Variants in DYM observed in about 807,000 individuals in gnomAD.
DYM encodes dyggve-Melchior-Clausen syndrome protein.
Under a neutral mutation model 93.1 loss-of-function variants are expected in DYM, and 78 were observed. The ratio of observed to expected loss-of-function variants is 0.84; its 90% confidence interval spans 0.70 to 1.01. The LOEUF (loss-of-function observed/expected upper bound fraction) is 1.01, where lower values mean the gene tolerates loss of function less well. DYM is among the 50% of genes least tolerant of loss of function. The pLI is 0.00. For missense variants in DYM, 789 were observed against 845.0 expected, an observed-to-expected ratio of 0.93 and a Z score of 0.82; for synonymous variants, 321 against 319.7, an observed-to-expected ratio of 1.00 and a Z score of -0.04.
intron 14 of DYM, among the ~76,000 whole-genome samples, chr18:49,184,221 A>AAAAAAAC (rs1295599449): frequency 7.5e-6 from 1 of 133,708 alleles, no homozygotes; most frequent in Admixed American, 7.7e-5. Flanking sequence ...TGGGAAAAAC[A>AAAAAAAC]AAAAAACAAA....
In DYM at chr18:49,391,625, T is replaced by C. The variant is rs1190209689; in HGVS notation, c.161A>G (p.Glu54Gly). Residue 54 changes from glutamate (E) to glycine (G), a missense_variant, in exon 3 of 18, where the codon GAG (glutamate) becomes GGG (glycine). Physicochemically the swap from Glu to Gly is moderately conservative, Grantham distance 98. Transcript: ENST00000675505. ...CCTGCAGACTGAAATGGTTGCTTCC[T>C]CCAAGAGTTTCAACTCACTACTGGA... ...PTSSSELKLL[E>G]EATISVCRSL... 6.2e-7 allele frequency: 1 copy of C among 1,613,360 alleles called. No homozygotes were observed. The highest frequency in any genetic ancestry group is 1.3e-5 in the African/African-American group (1 of 74,898).
chr18:49,068,862 G>A (rs2076672951), intron 17 of DYM, among the ~76,000 whole-genome samples: 1 of 152,050 alleles, frequency 6.6e-6, no homozygotes, highest in Non-Finnish European at 1.5e-5. Context: ...TCGGAATCAG[G>A]GTCAATTCTA....
intron 17 of DYM, among the ~76,000 whole-genome samples, chr18:49,086,637 C>T (rs2078555551): frequency 6.6e-6 from 1 of 152,056 alleles, no homozygotes; most frequent in Non-Finnish European, 1.5e-5. Context: ...GGAGGTGAGG[C>T]TTTGGGGAAA....
At chr18:49,209,755 G>C (rs2092693988) in intron 13 of DYM, 40 bp from the exon 14 acceptor site, 2 of 1,157,058 alleles carry the variant, frequency 1.7e-6, no homozygotes, top group Non-Finnish European at 2.2e-6. Context: ...AGAAAGAGAG[G>C]AGTTTTCCTT....
chr18:49,071,414 C>A (rs1001749891), intron 17 of DYM, among the ~76,000 whole-genome samples: 6 of 152,234 alleles, frequency 3.9e-5, no homozygotes, highest in Admixed American at 1.3e-4. Flanking sequence ...TTCTGTGATA[C>A]AATTGAAACC....
intron 14 of DYM, among the ~76,000 whole-genome samples, chr18:49,186,919 TC>T (rs1172288534): frequency 2.3e-5 from 3 of 130,404 alleles, no homozygotes; most frequent in Admixed American, 9.1e-5. Context: ...TACACAATCT[TC>T]TTTTTTTTTT....
At chr18:49,250,165 T>G (rs1248518790) in intron 13 of DYM, among the ~76,000 whole-genome samples, 1 of 152,260 alleles carries the variant, frequency 6.6e-6, no homozygotes, top group Admixed American at 6.5e-5. Context: ...CCAGCCCATC[T>G]TCTAAGAATC....
intron 11 of DYM, among the ~76,000 whole-genome samples, chr18:49,262,465 G>C (rs556762136): frequency 6.6e-6 from 1 of 152,214 alleles, no homozygotes; most frequent in African/African-American, 2.4e-5. Context: ...CTCAGTAACT[G>C]TGGTGGTCAG....
At chr18:49,147,574 CA>C (rs1197022640) in intron 15 of DYM, among the ~76,000 whole-genome samples, 6 of 152,100 alleles carry the variant, frequency 3.9e-5, no homozygotes, top group South Asian at 2.1e-4. Context: ...TTTATGCAGC[CA>C]AAAGACACAT....
chr18:49,216,209 G>A lies in DYM; in HGVS notation c.1461-6494C>T, dbSNP rs143325931. ...CAGCGAGGCTGGGGGAGGGGCGCCC[G>A]CCATTGCCCAGGCTTTCTTAGGTAA... On this transcript the variant is annotated intron_variant, in intron 13 of 17. Coordinates refer to ENST00000675505, the MANE Select transcript of DYM (RefSeq NM_001353214.3). 3.8e-3 allele frequency among the ~76,000 whole-genome samples: 572 copies of A among 152,308 alleles called. 1 individual carries two copies. The highest frequency in any genetic ancestry group is 4.6e-3 in the South Asian group (22 of 4,814).
At chr18:49,080,996 C>CAG (rs902161155) in intron 17 of DYM, among the ~76,000 whole-genome samples, 1 of 150,772 alleles carries the variant, frequency 6.6e-6, no homozygotes, top group African/African-American at 2.5e-5. Context: ...GGCGGCCGGG[C>CAG]AGAGACGCTC....
At chr18:49,225,894 T>C (rs953137963) in intron 13 of DYM, among the ~76,000 whole-genome samples, 3 of 152,166 alleles carry the variant, frequency 2.0e-5, no homozygotes, top group African/African-American at 7.2e-5. Flanking sequence ...ACTTGCTTTC[T>C]GATTTTAAAA....
At chr18:49,193,934 G>A (rs2091210316) in intron 14 of DYM, among the ~76,000 whole-genome samples, 1 of 152,128 alleles carries the variant, frequency 6.6e-6, no homozygotes, top group Non-Finnish European at 1.5e-5. Context: ...CATCACCAAT[G>A]TGATGATTTA....
chr18:49,284,116 A>T (rs780801245), intron 9 of DYM, among the ~76,000 whole-genome samples: 2 of 152,326 alleles, frequency 1.3e-5, no homozygotes, highest in African/African-American at 2.4e-5. Context: ...AAATTGAAGG[A>T]AAGTAACAAA....
Position 49,396,964 on chromosome 18 carries a change from T to G in DYM, c.141-5319A>C, listed in dbSNP as rs527381121. 2.2e-3 allele frequency among the ~76,000 whole-genome samples: 333 copies of G among 152,234 alleles called. 4 individuals are homozygous for G. The highest frequency in any genetic ancestry group is 7.6e-3 in the African/African-American group (315 of 41,534). ...TCAACAGGTATAAAGTTACATTAGA[T>G]AAAAGGGATAAGTTCTAATGTTCTA... On this transcript the variant is annotated intron_variant, in intron 2 of 17. Transcript: ENST00000675505.
chr18:49,147,850 C>A (rs922708712), intron 15 of DYM, among the ~76,000 whole-genome samples: 7 of 152,164 alleles, frequency 4.6e-5, no homozygotes, highest in East Asian at 3.8e-4. Flanking sequence ...TGGGTATATA[C>A]CCAAAGGAGT....
At chr18:49,108,840 T>C (rs568778155) in intron 16 of DYM, among the ~76,000 whole-genome samples, 1 of 152,244 alleles carries the variant, frequency 6.6e-6, no homozygotes, top group Non-Finnish European at 1.5e-5. Context: ...TGGGTTTGTT[T>C]GTGTCTTCTT....
intron 13 of DYM, among the ~76,000 whole-genome samples, chr18:49,235,281 G>A (rs1436542101): frequency 1.3e-5 from 2 of 152,186 alleles, no homozygotes; most frequent in African/African-American, 4.8e-5. Context: ...ACTTTACCTG[G>A]AGATAGAGGA....
intron 1 of DYM, among the ~76,000 whole-genome samples, chr18:49,457,100 C>CT (rs1201241395): frequency 6.6e-5 from 10 of 152,228 alleles, no homozygotes; most frequent in African/African-American, 2.4e-4. Context: ...TCACAGCACT[C>CT]TACCATTCCC....
Sources: gnomAD v4.1 joint callset for allele counts (sites outside exome capture counted in the v4.1 genomes callset) on GRCh38, gnomAD v4.1.1 for gene constraint, MANE v1.5 for transcripts, NCBI Gene and HGNC (gene_info 2026-07-23, HGNC 2026-07-21) for gene names.